The following RPSA2 variants were observed in gnomAD, a reference collection of about 807,000 sequenced individuals.
RPSA2 encodes small ribosomal subunit protein uS2B.
chr19:23,866,836 AT>A, the RPSA2 span, among the ~76,000 whole-genome samples: 369 of 152,320 alleles, frequency 2.4e-3, 2 homozygotes, highest in African/African-American at 8.6e-3. Context: ...TCCCACTGGC[AT>A]TTGGGGACAT....
At chr19:23,761,931 T>TCTCTCTCTCTCTCTCTCTC in the RPSA2 span, among the ~76,000 whole-genome samples, 14 of 61,694 alleles carry the variant, frequency 2.3e-4, no homozygotes, top group African/African-American at 9.7e-4. Context: ...TTTTTTTTTT[T>TCTCTCTCTCTCTCTCTCTC]TTTTGAGATG....
the RPSA2 span, among the ~76,000 whole-genome samples, chr19:23,811,331 T>C: frequency 2.0e-5 from 3 of 152,156 alleles, no homozygotes; most frequent in Admixed American, 2.0e-4. Context: ...GCACTTATTT[T>C]TGAGATGGGG....
the RPSA2 span, among the ~76,000 whole-genome samples, chr19:23,780,664 A>AAAAC: frequency 2.4e-5 from 1 of 42,242 alleles, no homozygotes; most frequent in African/African-American, 7.7e-5. Context: ...CAAAACAAAA[A>AAAAC]ACAAAACTGA....
chr19:23,843,458 A>G, the RPSA2 span, among the ~76,000 whole-genome samples: 2 of 152,142 alleles, frequency 1.3e-5, no homozygotes, highest in African/African-American at 4.8e-5. Flanking sequence ...TAAATTCTTT[A>G]TGGACTCTAC....
At chr19:23,866,360 C>T in the RPSA2 span, among the ~76,000 whole-genome samples, 1 of 152,202 alleles carries the variant, frequency 6.6e-6, no homozygotes, top group Non-Finnish European at 1.5e-5. Context: ...TGCAAGCATG[C>T]TCAAGCAATG....
chr19:23,853,993 C>A, the RPSA2 span, among the ~76,000 whole-genome samples: 1 of 152,148 alleles, frequency 6.6e-6, no homozygotes, highest in African/African-American at 2.4e-5. Flanking sequence ...TGCAGGTGGA[C>A]CATTGTTTAG....
At chr19:23,787,413 T>C in the RPSA2 span, among the ~76,000 whole-genome samples, 1 of 150,588 alleles carries the variant, frequency 6.6e-6, no homozygotes, top group African/African-American at 2.4e-5. Context: ...CCAGCCTGCT[T>C]AATATTGTGA....
At chr19:23,775,281 A>G in the RPSA2 span, among the ~76,000 whole-genome samples, 1 of 152,194 alleles carries the variant, frequency 6.6e-6, no homozygotes, top group Non-Finnish European at 1.5e-5. Flanking sequence ...GCAGAGTTGA[A>G]ATTGTGACTG....
chr19:23,820,007 T>C, the RPSA2 span, among the ~76,000 whole-genome samples: 4 of 152,248 alleles, frequency 2.6e-5, no homozygotes, highest in African/African-American at 4.8e-5. Context: ...AACAGTACTT[T>C]AGTTACTTCT....
the RPSA2 span, among the ~76,000 whole-genome samples, chr19:23,821,539 G>A: frequency 3.9e-5 from 6 of 152,188 alleles, no homozygotes; most frequent in East Asian, 1.2e-3. Flanking sequence ...GGCTCCTGGG[G>A]GCCTAGGGAG....
chr19:23,862,546 C>T, the RPSA2 span, among the ~76,000 whole-genome samples: 2 of 152,024 alleles, frequency 1.3e-5, no homozygotes, highest in Admixed American at 6.6e-5. Context: ...TTTTGAGATA[C>T]ATCCCATCAA....
the RPSA2 span, among the ~76,000 whole-genome samples, chr19:23,822,805 G>A: frequency 6.6e-6 from 1 of 152,100 alleles, no homozygotes; most frequent in Non-Finnish European, 1.5e-5. Context: ...TTGGTGCATA[G>A]GGAGGAGGGG....
the RPSA2 span, chr19:23,827,863 C>T: frequency 7.5e-4 from 865 of 1,151,346 alleles, no homozygotes; most frequent in Middle Eastern, 2.7e-3. Flanking sequence ...GGACTGCTCC[C>T]TCTCCTGAGT....
chr19:23,764,393 G>A, the RPSA2 span, among the ~76,000 whole-genome samples: 3 of 152,270 alleles, frequency 2.0e-5, no homozygotes, highest in African/African-American at 7.2e-5. Flanking sequence ...GTCCTTTATT[G>A]TGCATTTCAG....
chr19:23,862,232 C>G, the RPSA2 span, among the ~76,000 whole-genome samples: 1 of 151,942 alleles, frequency 6.6e-6, no homozygotes, highest in Non-Finnish European at 1.5e-5. Context: ...GATTTTGTAT[C>G]CTGAGACATT....
the RPSA2 span, chr19:23,833,266 T>A: frequency 6.5e-6 from 6 of 922,634 alleles, no homozygotes; most frequent in Non-Finnish European, 4.1e-6. Context: ...TACAACTTAA[T>A]GCACATAAGA....
chr19:23,867,600 G>A, the RPSA2 span, among the ~76,000 whole-genome samples: 2 of 152,116 alleles, frequency 1.3e-5, no homozygotes, highest in African/African-American at 2.4e-5. Context: ...GGAGGCAGAG[G>A]CGGGTGGATC....
the RPSA2 span, among the ~76,000 whole-genome samples, chr19:23,869,476 T>C: frequency 7.2e-5 from 11 of 152,172 alleles, no homozygotes; most frequent in Non-Finnish European, 1.6e-4. Context: ...CCTCTCTCCA[T>C]TGACCCAGTG....
At chr19:23,768,831 G>A in the RPSA2 span, among the ~76,000 whole-genome samples, 14 of 150,836 alleles carry the variant, frequency 9.3e-5, no homozygotes, top group African/African-American at 2.9e-4. Context: ...CAGCCAATCC[G>A]CCCGCCTCAA....
Sources: allele counts gnomAD v4.1 joint callset (sites outside exome capture counted in the v4.1 genomes callset), GRCh38; gene constraint gnomAD v4.1.1; transcripts MANE v1.5; gene names NCBI Gene and HGNC (gene_info 2026-07-23, HGNC 2026-07-21).